ACTR3C: variants seen among roughly 807,000 people sequenced by gnomAD.
The protein encoded by ACTR3C is actin-related protein 3C.
A neutral mutation model predicts 26.3 loss-of-function variants in ACTR3C; 18 were observed. That is an observed-to-expected ratio of 0.68 (90% CI 0.47 to 1.01). ACTR3C has a LOEUF of 1.01. ACTR3C is among the 50% of genes least tolerant of loss of function. ACTR3C has a pLI of 0.00. For missense variants in ACTR3C, 184 were observed against 250.7 expected, an observed-to-expected ratio of 0.73 and a Z score of 1.80; for synonymous variants, 55 against 94.5, an observed-to-expected ratio of 0.58 and a Z score of 2.42.
chr7:150,251,915 A>G (rs536126861), intron 6 of ACTR3C, among the ~76,000 whole-genome samples: 1 of 152,340 alleles, frequency 6.6e-6, no homozygotes, highest in Non-Finnish European at 1.5e-5. Context: ...AAGCAAGGTT[A>G]TAATTTCTAT....
At chr7:150,288,461 G>A (rs1409186370) in intron 4 of ACTR3C, among the ~76,000 whole-genome samples, 1 of 136,460 alleles carries the variant, frequency 7.3e-6, no homozygotes, top group Non-Finnish European at 1.5e-5. Context: ...TATCACCTGG[G>A]CTAGTTTCGA....
chr7:149,966,877 G>A, the ACTR3C span, among the ~76,000 whole-genome samples: 2 of 150,790 alleles, frequency 1.3e-5, no homozygotes, highest in Non-Finnish European at 3.0e-5. Flanking sequence ...TTGTGTGTGT[G>A]GGGGGACAGA....
the ACTR3C span, among the ~76,000 whole-genome samples, chr7:150,146,662 C>G: frequency 6.6e-6 from 1 of 152,230 alleles, no homozygotes; most frequent in South Asian, 2.1e-4. Flanking sequence ...TCAGGCCTGG[C>G]CTTCAAAACA....
At chr7:150,122,972 CAA>C in the ACTR3C span, among the ~76,000 whole-genome samples, 1 of 150,094 alleles carries the variant, frequency 6.7e-6, no homozygotes, top group Admixed American at 6.6e-5. Context: ...TCATTCTCAG[CAA>C]ACAAACAGGA....
the ACTR3C span, among the ~76,000 whole-genome samples, chr7:149,977,825 G>A: frequency 6.6e-6 from 1 of 152,104 alleles, no homozygotes; most frequent in East Asian, 1.9e-4. Context: ...TCATAGCCTG[G>A]TTGTATCACC....
At chr7:149,899,634 G>C in the ACTR3C span, among the ~76,000 whole-genome samples, 11 of 147,960 alleles carry the variant, frequency 7.4e-5, no homozygotes, top group South Asian at 1.1e-3. Context: ...GAGCCTCAGG[G>C]ACATCTGGGA....
At chr7:150,288,112 C>T (rs1343589285) in intron 4 of ACTR3C, among the ~76,000 whole-genome samples, 1 of 142,566 alleles carries the variant, frequency 7.0e-6, no homozygotes, top group Non-Finnish European at 1.5e-5. Flanking sequence ...CAGGTGAGAA[C>T]TAACAGGGCT....
At chr7:150,197,221 T>C in the ACTR3C span, among the ~76,000 whole-genome samples, 1 of 152,152 alleles carries the variant, frequency 6.6e-6, no homozygotes, top group Non-Finnish European at 1.5e-5. Flanking sequence ...AATGCCTGGA[T>C]TCACAAAGAA....
At chr7:150,116,500 A>G in the ACTR3C span, among the ~76,000 whole-genome samples, 2 of 152,212 alleles carry the variant, frequency 1.3e-5, no homozygotes, top group African/African-American at 4.8e-5. Flanking sequence ...AGAAGGAAGT[A>G]TTTGCAATAA....
rs796852488 is a variant in ACTR3C, at chr7:150,288,403, CT to C, written c.297+1046del. On this transcript the variant is annotated intron_variant, in intron 4 of 7. Transcript: ENST00000683684. ...GGCGTCAATAACAAAAGGCTCAATTCTTTTTTTTTTTTTTCTTCTTTTTTGA... is the reference window on the plus strand; with the variant it reads ...GGCGTCAATAACAAAAGGCTCAATTCTTTTTTTTTTTTTCTTCTTTTTTGA... Among the ~76,000 whole-genome samples the C allele has an allele frequency of 2.5e-3, 320 of 129,396 alleles. 30 individuals are homozygous for C. The highest frequency in any genetic ancestry group is 4.7e-3 in the African/African-American group (146 of 31,338). 84.9% of individuals were successfully genotyped at this position (129,396 alleles called of 152,430 possible).
Position 150,292,748 on chromosome 7 carries a change from T to C in ACTR3C, c.153+564A>G, listed in dbSNP as rs1836375137. 2.0e-5 allele frequency among the ~76,000 whole-genome samples: 3 copies of C among 152,194 alleles called. No individual in the cohort carries two copies. In the South Asian group the frequency reaches 6.2e-4, roughly 31 times the overall value. On this transcript the variant is annotated intron_variant, in intron 3 of 7. Transcript: ENST00000683684. Reference sequence around the variant, plus strand: ...CCGACCTCAGGTGATCCGCCCGCCTTGGCCTCCCAAAGTGCTGGGATTACA... The same window carrying C: ...CCGACCTCAGGTGATCCGCCCGCCTCGGCCTCCCAAAGTGCTGGGATTACA...
chr7:149,896,049 A>AC, the ACTR3C span, among the ~76,000 whole-genome samples: 3 of 149,854 alleles, frequency 2.0e-5, no homozygotes, highest in African/African-American at 4.9e-5. Flanking sequence ...AAAAAAAAAA[A>AC]AAAAAAACAC....
chr7:150,234,198 T>C, the ACTR3C span, among the ~76,000 whole-genome samples: 4 of 152,278 alleles, frequency 2.6e-5, no homozygotes, highest in Non-Finnish European at 4.4e-5. Context: ...AAGTATTCTA[T>C]ACTCTTATGA....
At chr7:150,267,565 C>T (rs1382066946) in intron 6 of ACTR3C, among the ~76,000 whole-genome samples, 1 of 152,132 alleles carries the variant, frequency 6.6e-6, no homozygotes, top group African/African-American at 2.4e-5. Flanking sequence ...CCCCACAGCA[C>T]GAGAGTGGTG....
intron 2 of ACTR3C, among the ~76,000 whole-genome samples, chr7:150,294,051 G>C (rs988491621): frequency 6.6e-6 from 1 of 152,126 alleles, no homozygotes; most frequent in African/African-American, 2.4e-5. Flanking sequence ...TTGGTTTCCG[G>C]CGTGGGGCCA....
the ACTR3C span, among the ~76,000 whole-genome samples, chr7:150,035,992 C>A: frequency 1.0e-5 from 1 of 100,418 alleles, no homozygotes; most frequent in Non-Finnish European, 2.1e-5. Flanking sequence ...CCCTGCCTCG[C>A]GGGGGGTGCC....
chr7:150,118,163 C>T, the ACTR3C span, among the ~76,000 whole-genome samples: 2 of 152,064 alleles, frequency 1.3e-5, no homozygotes, highest in African/African-American at 4.8e-5. Context: ...ATTCCAAAAA[C>T]CGGAATTCCT....
At chr7:150,020,851 G>T in the ACTR3C span, among the ~76,000 whole-genome samples, 4 of 151,916 alleles carry the variant, frequency 2.6e-5, no homozygotes, top group Non-Finnish European at 1.5e-5. Context: ...ATGGAGTTTT[G>T]CCCTCGTCAC....
the ACTR3C span, among the ~76,000 whole-genome samples, chr7:150,107,873 G>C: frequency 6.6e-6 from 1 of 152,008 alleles, no homozygotes; most frequent in African/African-American, 2.4e-5. Flanking sequence ...CTGCCTTACA[G>C]AAGCAAGGAG....
Sources: gnomAD v4.1 joint callset for allele counts (sites outside exome capture counted in the v4.1 genomes callset) on GRCh38, gnomAD v4.1.1 for gene constraint, MANE v1.5 for transcripts, NCBI Gene and HGNC (gene_info 2026-07-23, HGNC 2026-07-21) for gene names.